Variants in ESYT2 observed in about 807,000 individuals in gnomAD.
The protein encoded by ESYT2 is extended synaptotagmin-2.
ESYT2 carries 54 observed loss-of-function variants against 107.2 expected under a neutral mutation model. That is an observed-to-expected ratio of 0.50 (90% CI 0.40 to 0.63). ESYT2 has a LOEUF of 0.63. Among genes scored for constraint, ESYT2 ranks in the 30% least tolerant of loss-of-function variants. ESYT2 has a pLI of 0.00. For missense variants in ESYT2, 1,020 were observed against 1,094.5 expected (o/e 0.93, Z 0.96); for synonymous variants, 491 against 434.1 (o/e 1.13, Z -1.63).
intron 13 of ESYT2, among the ~76,000 whole-genome samples, chr7:158,757,695 C>T (rs1181336935): frequency 6.6e-6 from 1 of 152,210 alleles, no homozygotes; most frequent in Non-Finnish European, 1.5e-5. Flanking sequence ...TTCTGATGGC[C>T]ACAGCACATT....
At chr7:158,818,239 G>T (rs1012549072) in intron 1 of ESYT2, among the ~76,000 whole-genome samples, 5 of 152,166 alleles carry the variant, frequency 3.3e-5, no homozygotes, top group Non-Finnish European at 5.9e-5. Flanking sequence ...ATGACTCCTG[G>T]AAGTGGAGTC....
At position 158,744,421 on chromosome 7, in the gene ESYT2, T is replaced by C. The variant is rs1012465387; in HGVS notation, c.1645-743A>G. 5.9e-5 allele frequency among the ~76,000 whole-genome samples: 9 copies of C among 152,366 alleles called. No homozygotes were observed. In the South Asian group the frequency reaches 1.2e-3, roughly 21 times the overall value. On this transcript the variant is annotated intron_variant, in intron 16 of 22. Transcript: ENST00000275418. The stretch of plus-strand genomic sequence containing the variant: ...TGGTGGCAATACACACTCATAACGA[T>C]GTATACAGTTTCCATTCATGACATT...
chr7:158,767,443 C>G (rs1209731690), intron 8 of ESYT2, among the ~76,000 whole-genome samples: 1 of 152,170 alleles, frequency 6.6e-6, no homozygotes, highest in Non-Finnish European at 1.5e-5. Context: ...GAGAATCATC[C>G]TGCTGTCTCC....
At chr7:158,783,183 C>T (rs1321391412) in intron 6 of ESYT2, among the ~76,000 whole-genome samples, 2 of 152,138 alleles carry the variant, frequency 1.3e-5, no homozygotes, top group South Asian at 2.1e-4. Context: ...AGAACGTGTA[C>T]GGCACTCCAA....
chr7:158,765,672 C>T (rs1039321934), intron 8 of ESYT2, among the ~76,000 whole-genome samples: 5 of 152,236 alleles, frequency 3.3e-5, no homozygotes, highest in Admixed American at 2.0e-4. Flanking sequence ...GGAGGCAGAG[C>T]TTGCAGTGAG....
Position 158,765,260 on chromosome 7 carries a change from T to C in ESYT2, c.925-407A>G, listed in dbSNP as rs182629832. Among the ~76,000 whole-genome samples the C allele has an allele frequency of 2.0e-3, 306 of 152,306 alleles. 1 individual carries two copies. Among genetic ancestry groups the C allele is most frequent in the African/African-American group, 7.0e-3 (292 of 41,570 alleles). On this transcript the variant is annotated intron_variant, in intron 8 of 22. Transcript: ENST00000275418. ...GGTGACACAGGCCACCCAGCTGTAC[T>C]AGATCCTGGTGCTACAGTGAGTAAT... is the stretch of plus-strand genomic sequence containing the variant.
intron 16 of ESYT2, among the ~76,000 whole-genome samples, chr7:158,745,683 T>C (rs1312507714): frequency 1.4e-5 from 2 of 142,398 alleles, no homozygotes; most frequent in Non-Finnish European, 3.0e-5. Context: ...GAATCAATAA[T>C]AGAAAGATTA....
intron 3 of ESYT2, among the ~76,000 whole-genome samples, chr7:158,795,541 G>A (rs1171383672): frequency 6.6e-6 from 1 of 152,196 alleles, no homozygotes; most frequent in Non-Finnish European, 1.5e-5. Context: ...AAGGGCTGTA[G>A]AAGAAGGGAG....
rs1448560042 is a variant in ESYT2, at chr7:158,796,673, G to A, written c.507+1269C>T. Reference sequence around the variant, plus strand: ...AGACGGAGGCTGACATGGCCAAGACGGCACCGCGGACAAGAAGGCAGCAGG... The same window carrying A: ...AGACGGAGGCTGACATGGCCAAGACAGCACCGCGGACAAGAAGGCAGCAGG... On this transcript the variant is annotated intron_variant, in intron 3 of 22. Transcript: ENST00000275418. Among the ~76,000 whole-genome samples, 5 of 152,348 alleles carry A rather than the reference G, an allele frequency of 3.3e-5. No homozygotes were observed. The East Asian group carries it at 9.6e-4, about 29-fold the overall frequency.
intron 7 of ESYT2, among the ~76,000 whole-genome samples, chr7:158,768,546 A>G (rs987316074): frequency 6.6e-6 from 1 of 152,120 alleles, no homozygotes; most frequent in African/African-American, 2.4e-5. Flanking sequence ...CAGCCTCCGA[A>G]GTAGCTGGGA....
chr7:158,755,059 G>C (rs768282324), intron 13 of ESYT2, among the ~76,000 whole-genome samples: 15 of 152,186 alleles, frequency 9.9e-5, no homozygotes, highest in Non-Finnish European at 2.2e-4. Context: ...GGAGGGCAAA[G>C]TTCTAAGAAT....
chr7:158,734,744 C>T (rs113327670), intron 21 of ESYT2, among the ~76,000 whole-genome samples: 5,263 of 152,298 alleles, frequency 0.035, 246 homozygotes, highest in African/African-American at 0.11. Flanking sequence ...GCCATGATCG[C>T]GCCACTGGAC....
chr7:158,739,409 C>T (rs1837107431), intron 18 of ESYT2, among the ~76,000 whole-genome samples: 2 of 152,166 alleles, frequency 1.3e-5, no homozygotes, highest in Admixed American at 1.3e-4. Context: ...TGCAATGGCG[C>T]AATCTTGGCT....
At chr7:158,808,241 CA>C (rs1839890699) in intron 1 of ESYT2, among the ~76,000 whole-genome samples, 1 of 152,238 alleles carries the variant, frequency 6.6e-6, no homozygotes, top group South Asian at 2.1e-4. Context: ...AACAATTCGT[CA>C]GTTTTAAACC....
At chr7:158,809,835 T>C (rs1839945475) in intron 1 of ESYT2, among the ~76,000 whole-genome samples, 1 of 151,474 alleles carries the variant, frequency 6.6e-6, no homozygotes, top group South Asian at 2.1e-4. Context: ...ATAAGGCAAA[T>C]GCAGAACTAT....
rs1027550230 is a variant in ESYT2, at chr7:158,805,019, C to G, written c.331-5947G>C. Reference sequence around the variant, plus strand: ...GTATTCCTGACAGTGGACGAGACTTCCAGGCACACGGCGCTTCAATGTTTA... The same window carrying G: ...GTATTCCTGACAGTGGACGAGACTTGCAGGCACACGGCGCTTCAATGTTTA... On this transcript the variant is annotated intron_variant, in intron 1 of 22. Transcript: ENST00000275418. Among the ~76,000 whole-genome samples, 86 of 152,292 alleles carry G rather than the reference C, an allele frequency of 5.6e-4. 1 individual carries two copies. Among genetic ancestry groups the G allele is most frequent in the African/African-American group, 2.0e-3 (82 of 41,564 alleles).
intron 1 of ESYT2, among the ~76,000 whole-genome samples, chr7:158,809,300 AC>A (rs1443658404): frequency 6.6e-6 from 1 of 151,938 alleles, no homozygotes; most frequent in African/African-American, 2.4e-5. Flanking sequence ...ACATGGTGAA[AC>A]CCCATCTCTA....
At chr7:158,752,702 C>T (rs1298349151) in intron 14 of ESYT2, 79 bp downstream of exon 14, 1 of 1,003,546 alleles carries the variant, frequency 1.0e-6, no homozygotes, top group South Asian at 1.5e-5. Flanking sequence ...GGTAATTTGC[C>T]AATAAACTTA....
intron 7 of ESYT2, among the ~76,000 whole-genome samples, chr7:158,772,978 T>C (rs940884784): frequency 5.3e-5 from 8 of 151,650 alleles, no homozygotes; most frequent in Non-Finnish European, 1.0e-4. Flanking sequence ...GTTTCCTTTA[T>C]TGTTTCTGAG....
Sources: allele counts gnomAD v4.1 joint callset (sites outside exome capture counted in the v4.1 genomes callset), GRCh38; gene constraint gnomAD v4.1.1; transcripts MANE v1.5; gene names NCBI Gene and HGNC (gene_info 2026-07-23, HGNC 2026-07-21).